The following PRKAG2 variants were observed in gnomAD, a reference collection of about 807,000 sequenced individuals.
PRKAG2 encodes 5'-AMP-activated protein kinase subunit gamma-2.
Under a neutral mutation model 69.6 loss-of-function variants are expected in PRKAG2, and 26 were observed. That is an observed-to-expected ratio of 0.37 (90% CI 0.27 to 0.52). PRKAG2 has a LOEUF of 0.52. PRKAG2 is among the 20% of genes least tolerant of loss of function. The pLI is 0.90. For synonymous variants in PRKAG2, 293 were observed against 285.0 expected, an observed-to-expected ratio of 1.03 and a Z score of -0.28; for missense variants, 557 against 740.0, an observed-to-expected ratio of 0.75 and a Z score of 2.87.
At position 151,632,297 on chromosome 7, in the gene PRKAG2, G is replaced by C. The variant is rs1824784347; in HGVS notation, c.685-159C>G. ...GGCAGCGGGGGCCGGGGGCGGAGCG[G>C]GAGCGCTGCCCCCACCCGCCCGAGG... On this transcript the variant is annotated intron_variant, in intron 4 of 15. Coordinates refer to ENST00000287878, the MANE Select transcript of PRKAG2 (RefSeq NM_016203.4). The surrounding 1 kb of genome is among the most constrained non-coding windows in gnomAD (Gnocchi z 4.2). 3.0e-5 allele frequency: 28 copies of C among 936,478 alleles called. No homozygotes were observed. The highest frequency in any genetic ancestry group is 3.6e-5 in the Non-Finnish European group (28 of 786,346). 58.0% of individuals were successfully genotyped at this position (936,478 alleles called of 1,614,324 possible).
At chr7:151,774,798 T>G (rs1194261451) in intron 3 of PRKAG2, among the ~76,000 whole-genome samples, 1 of 152,070 alleles carries the variant, frequency 6.6e-6, no homozygotes. Context: ...AGAGTGAGAC[T>G]CCATTTCAAA....
intron 6 of PRKAG2, among the ~76,000 whole-genome samples, chr7:151,577,522 G>A (rs1160928749): frequency 2.0e-5 from 3 of 152,106 alleles, no homozygotes; most frequent in African/African-American, 7.2e-5. Flanking sequence ...CCTAATACAA[G>A]GGCTATTATA....
At chr7:151,792,108 TG>T (rs2077295178) in intron 1 of PRKAG2, among the ~76,000 whole-genome samples, 1 of 152,190 alleles carries the variant, frequency 6.6e-6, no homozygotes, top group African/African-American at 2.4e-5. Flanking sequence ...AAAAACAATT[TG>T]GTATCAGAGG....
chr7:151,629,131 GCTGCTTT>G (rs1823755508), intron 5 of PRKAG2, among the ~76,000 whole-genome samples: 1 of 152,206 alleles, frequency 6.6e-6, no homozygotes, highest in Non-Finnish European at 1.5e-5. Context: ...GATTGTGTTA[GCTGCTTT>G]CTGCTTTCTT....
At chr7:151,751,539 C>T (rs1007065890) in intron 3 of PRKAG2, among the ~76,000 whole-genome samples, 4 of 151,740 alleles carry the variant, frequency 2.6e-5, no homozygotes, top group Non-Finnish European at 2.9e-5. Context: ...GACAGGTTCT[C>T]GCTTTGTCGC....
At chr7:151,796,826 T>C (rs147802470) in intron 1 of PRKAG2, among the ~76,000 whole-genome samples, 22 of 152,290 alleles carry the variant, frequency 1.4e-4, no homozygotes, top group African/African-American at 5.3e-4. Context: ...AATGACATCC[T>C]GATGCGCCAC....
chr7:151,560,870 A>T (rs1251429706), intron 14 of PRKAG2, among the ~76,000 whole-genome samples: 3 of 152,100 alleles, frequency 2.0e-5, no homozygotes, highest in Non-Finnish European at 4.4e-5. Flanking sequence ...CCAAGATCGC[A>T]CCAGTGCACT....
intron 3 of PRKAG2, among the ~76,000 whole-genome samples, chr7:151,764,725 G>C (rs1386488785): frequency 6.6e-6 from 1 of 152,266 alleles, no homozygotes; most frequent in East Asian, 1.9e-4. Context: ...GTCAGGGGCA[G>C]AGCCAGGAGG....
chr7:151,572,369 T>C (rs542575852), intron 9 of PRKAG2: 14 of 256,688 alleles, frequency 5.5e-5, no homozygotes, highest in African/African-American at 1.8e-4. Context: ...GGTGGCCCCA[T>C]TGTGGGCAGC....
At position 151,690,665 on chromosome 7, in the gene PRKAG2, T is replaced by A. The variant is rs148428792; in HGVS notation, c.467-15028A>T. On this transcript the variant is annotated intron_variant, in intron 3 of 15. Transcript: ENST00000287878. ...TAGAATCAGTGCATGAAAAATGATA[T>A]CTGAATACGGTGCTTAGGGGAGCCG... 5.3e-5 allele frequency among the ~76,000 whole-genome samples: 8 copies of A among 152,326 alleles called. No individual in the cohort carries two copies. The East Asian group carries it at 1.5e-3, about 29-fold the overall frequency.
chr7:151,819,648 C>T (rs1438238224), intron 1 of PRKAG2, among the ~76,000 whole-genome samples: 1 of 152,206 alleles, frequency 6.6e-6, no homozygotes, highest in African/African-American at 2.4e-5. Flanking sequence ...TAAACAAAAA[C>T]AAACCAACCC....
At chr7:151,876,436 T>C (rs2080407170) in intron 1 of PRKAG2, 71 bp downstream of exon 1, 2 of 1,470,446 alleles carry the variant, frequency 1.4e-6, no homozygotes, top group Non-Finnish European at 1.9e-6. Context: ...CGTCCAGCGT[T>C]AACCGCTTCG....
chr7:151,718,279 G>GT (rs1554560897), intron 3 of PRKAG2, among the ~76,000 whole-genome samples: 4 of 70,950 alleles, frequency 5.6e-5, no homozygotes, highest in Non-Finnish European at 9.3e-5. Flanking sequence ...GGTGGGTGGA[G>GT]GGGGGGGTAG....
chr7:151,833,964 G>T (rs1346652980), intron 1 of PRKAG2, among the ~76,000 whole-genome samples: 1 of 152,196 alleles, frequency 6.6e-6, no homozygotes, highest in African/African-American at 2.4e-5. Context: ...CTAGGAGAAG[G>T]CCCGGCCCAT....
At chr7:151,692,213 T>A (rs1835771976) in intron 3 of PRKAG2, among the ~76,000 whole-genome samples, 1 of 151,070 alleles carries the variant, frequency 6.6e-6, no homozygotes, top group African/African-American at 2.4e-5. Flanking sequence ...CAAAAAAAAA[T>A]GAAAAACAAA....
In PRKAG2 at chr7:151,565,801, G is replaced by A. The variant is rs201878539; in HGVS notation, c.1318C>T (p.His440Tyr). ...GCTTTGATGATGGGAGTGTCTGGAT[G>A]TATGAAGGCAATGTTGTGGTACGTT... is the stretch of plus-strand genomic sequence containing the variant. ...IGTYHNIAFI[H>Y]PDTPIIKALN... The change falls in exon 12 of 16, where the codon CAT becomes TAT. Residue 440 changes from histidine (H) to tyrosine (Y), a missense_variant. By Grantham distance (83) the His-to-Tyr change is moderately conservative (BLOSUM62 2). Transcript: ENST00000287878. 9.6e-5 allele frequency: 155 copies of A among 1,611,996 alleles called. No individual in the cohort carries two copies. The African/African-American group carries it at 1.7e-3, about 18-fold the overall frequency.
At chr7:151,617,295 G>A (rs1424291056) in intron 5 of PRKAG2, among the ~76,000 whole-genome samples, 18 of 130,086 alleles carry the variant, frequency 1.4e-4, no homozygotes, top group African/African-American at 4.8e-4. Context: ...AGGGAGGGGG[G>A]GAGGGAGGGA....
chr7:151,827,161 T>A (rs2078920194), intron 1 of PRKAG2, among the ~76,000 whole-genome samples: 1 of 152,226 alleles, frequency 6.6e-6, no homozygotes, highest in Non-Finnish European at 1.5e-5. Context: ...AAAACCCCAA[T>A]GCCTGGTCTC....
intron 13 of PRKAG2, 177 bp from the exon 14 acceptor site, chr7:151,564,401 G>A: frequency 1.6e-6 from 1 of 626,582 alleles, no homozygotes; most frequent in Non-Finnish European, 2.8e-6. Context: ...CTGTTATTTT[G>A]TCAACATATC....
Sources: gnomAD v4.1 joint callset for allele counts (sites outside exome capture counted in the v4.1 genomes callset) on GRCh38, gnomAD v4.1.1 for gene constraint, Gnocchi (gnomAD v3.1) non-coding constraint, MANE v1.5 for transcripts, NCBI Gene and HGNC (gene_info 2026-07-23, HGNC 2026-07-21) for gene names.